ZNF454: variants seen among roughly 807,000 people sequenced by gnomAD.
The protein encoded by ZNF454 is zinc finger protein 454.
Under a neutral mutation model 48.2 loss-of-function variants are expected in ZNF454, and 30 were observed. The ratio of observed to expected loss-of-function variants is 0.62; its 90% CI spans 0.47 to 0.84. ZNF454 has a LOEUF of 0.84. Among genes scored for constraint, ZNF454 ranks in the 40% least tolerant of loss-of-function variants. ZNF454 has a pLI of 0.00. For missense variants in ZNF454, 510 were observed against 623.1 expected (o/e 0.82, Z 1.93); for synonymous variants, 204 against 211.4 (o/e 0.97, Z 0.30).
intron 4 of ZNF454, among the ~76,000 whole-genome samples, chr5:178,956,665 A>G (rs1186396004): frequency 2.8e-5 from 2 of 71,792 alleles, no homozygotes; most frequent in African/African-American, 9.3e-5. Context: ...TCTTTATTTT[A>G]TTTTATTTAA....
At chr5:178,943,133 T>C (rs745703810) in intron 2 of ZNF454, among the ~76,000 whole-genome samples, 1 of 152,214 alleles carries the variant, frequency 6.6e-6, no homozygotes, top group Non-Finnish European at 1.5e-5. Context: ...GGTAAAAGCA[T>C]GTATTAGTCC....
At chr5:178,981,731 G>A in the ZNF454 span, 39 of 1,613,896 alleles carry the variant, frequency 2.4e-5, no homozygotes, top group Non-Finnish European at 3.2e-5. The surrounding 1 kb of genome is among the most constrained non-coding windows in gnomAD (Gnocchi z 5.1). Flanking sequence ...CTCCGCTTTC[G>A]CTTCTGCACA....
At chr5:178,986,769 C>T in the ZNF454 span, 1 of 1,610,184 alleles carries the variant, frequency 6.2e-7, no homozygotes, top group Admixed American at 1.7e-5. Flanking sequence ...ACGCACAAAA[C>T]ACAGGCTGGG....
rs1418949398 is a variant in ZNF454 at position 178,941,688 on chromosome 5, C to T, written c.-108+244C>T. ...AGCCGCTGCGCAGCCCCTGCCACAG[C>T]CCCCGAGGGACCTGGCGAAGCGGCA... On this transcript the variant is annotated intron_variant, in intron 1 of 4. Coordinates refer to ENST00000519564, the MANE Select transcript of ZNF454 (RefSeq NM_001178089.3). This position sits in a 1 kb window ranked among gnomAD's most constrained non-coding sequence, Gnocchi z 5.5. 6.6e-6 allele frequency among the ~76,000 whole-genome samples: 1 copy of T among 152,184 alleles called. No individual in the cohort carries two copies. Among genetic ancestry groups the T allele is most frequent in the African/African-American group, 2.4e-5 (1 of 41,450 alleles).
At chr5:178,950,626 A>G (rs952944866) in intron 4 of ZNF454, among the ~76,000 whole-genome samples, 3 of 152,198 alleles carry the variant, frequency 2.0e-5, no homozygotes, top group Admixed American at 1.3e-4. Context: ...AGGAGTTGCT[A>G]ATACCTTTTA....
At chr5:178,971,850 G>GAAA in the ZNF454 span, among the ~76,000 whole-genome samples, 12 of 141,510 alleles carry the variant, frequency 8.5e-5, no homozygotes, top group African/African-American at 1.8e-4. Flanking sequence ...GACTCCATCT[G>GAAA]AAAAAAAAAA....
At chr5:178,987,908 C>T in the ZNF454 span, among the ~76,000 whole-genome samples, 5 of 1,528 alleles carry the variant, frequency 3.3e-3, no homozygotes, top group African/African-American at 3.3e-3. Flanking sequence ...TATAGGCACC[C>T]GTCGCCATGC....
chr5:178,955,448 T>C (rs1048368734), intron 4 of ZNF454, among the ~76,000 whole-genome samples: 1 of 152,228 alleles, frequency 6.6e-6, no homozygotes, highest in African/African-American at 2.4e-5. Context: ...TTCTCAGTCC[T>C]TAAGATGATG....
At chr5:178,947,185 C>T (rs904894532) in intron 4 of ZNF454, among the ~76,000 whole-genome samples, 199 bp downstream of exon 4, 1 of 152,168 alleles carries the variant, frequency 6.6e-6, no homozygotes, top group African/African-American at 2.4e-5. Context: ...GGACCCTCCC[C>T]GCAATGATTT....
the ZNF454 span, among the ~76,000 whole-genome samples, chr5:178,974,278 C>A: frequency 6.6e-6 from 1 of 150,942 alleles, no homozygotes; most frequent in African/African-American, 2.4e-5. Flanking sequence ...CTTGTGTTAG[C>A]CTTTCTAGTG....
At chr5:178,969,274 G>A (rs1760208016), downstream of ZNF454, 1 of 367,104 alleles carries the variant, frequency 2.7e-6, no homozygotes, top group Non-Finnish European at 5.4e-6. Context: ...ACCCCTAAAA[G>A]TACATTTCTG....
chr5:178,942,346 C>T, intron 1 of ZNF454: 1 of 154,858 alleles, frequency 6.5e-6, no homozygotes, highest in Non-Finnish European at 1.4e-5. Flanking sequence ...GCGGAGGTTG[C>T]AGTGAGCCAA....
downstream of ZNF454, among the ~76,000 whole-genome samples, chr5:178,968,057 C>T (rs557266263): frequency 6.6e-6 from 1 of 151,172 alleles, no homozygotes; most frequent in Non-Finnish European, 1.5e-5. Flanking sequence ...CGTCTTTAAT[C>T]CTTCAGTGCT....
chr5:178,954,572 C>T (rs1477845059), intron 4 of ZNF454, among the ~76,000 whole-genome samples: 1 of 152,186 alleles, frequency 6.6e-6, no homozygotes, highest in Non-Finnish European at 1.5e-5. Context: ...CATCAGATTA[C>T]AATTACATGG....
downstream of ZNF454, chr5:178,969,329 G>T (rs772469330): frequency 1.3e-4 from 50 of 397,612 alleles, no homozygotes; most frequent in Non-Finnish European, 2.4e-4. Context: ...TTCTCTACCA[G>T]CTGATCTGTG....
the ZNF454 span, chr5:178,988,999 G>T: frequency 2.5e-6 from 4 of 1,613,794 alleles, no homozygotes; most frequent in Non-Finnish European, 3.4e-6. The surrounding 1 kb of genome is among the most constrained non-coding windows in gnomAD (Gnocchi z 6.0). Flanking sequence ...CCATCGCCGG[G>T]CACAGGCCTG....
chr5:178,981,741 A>G, the ZNF454 span: 1 of 1,613,856 alleles, frequency 6.2e-7, no homozygotes, highest in African/African-American at 1.3e-5. The surrounding 1 kb of genome is among the most constrained non-coding windows in gnomAD (Gnocchi z 5.1). Flanking sequence ...GCTTCTGCAC[A>G]TTCTGCTCTG....
At chr5:178,983,640 G>T in the ZNF454 span, 1 of 356,762 alleles carries the variant, frequency 2.8e-6, no homozygotes, top group Admixed American at 3.7e-5. Flanking sequence ...GCCTCCTCAC[G>T]TGTACTGAGC....
chr5:178,976,779 C>T, the ZNF454 span, among the ~76,000 whole-genome samples: 2 of 152,316 alleles, frequency 1.3e-5, no homozygotes, highest in Admixed American at 6.5e-5. Context: ...GTACACAGGG[C>T]ATGGGCAAGA....
Sources: allele counts gnomAD v4.1 joint callset (sites outside exome capture counted in the v4.1 genomes callset), GRCh38; gene constraint gnomAD v4.1.1; non-coding constraint Gnocchi (gnomAD v3.1); transcripts MANE v1.5; gene names NCBI Gene and HGNC (gene_info 2026-07-23, HGNC 2026-07-21).